Variants in DNAI1 observed in about 807,000 individuals in gnomAD.
The protein encoded by DNAI1 is dynein, axonemal, intermediate polypeptide 1.
Under a neutral mutation model 92.0 loss-of-function variants are expected in DNAI1, and 67 were observed. The observed-to-expected ratio is 0.73, with a 90% CI of 0.60 to 0.89. The LOEUF is 0.89. DNAI1 is among the 40% of genes least tolerant of loss of function. The pLI is 0.00. For synonymous variants in DNAI1, 323 were observed against 319.6 expected, an observed-to-expected ratio of 1.01 and a Z score of -0.11; for missense variants, 839 against 866.6, an observed-to-expected ratio of 0.97 and a Z score of 0.40.
chr9:34,492,950 A>T lies in DNAI1; in HGVS notation c.682-244A>T, dbSNP rs530860163. ...GAACAATGTTGATCTTCAGCTGAAG[A>T]CCCAGCCTCTGGGTTTCAGGGTATG... On this transcript the variant is annotated intron_variant, in intron 8 of 19. Coordinates refer to ENST00000242317, the MANE Select transcript of DNAI1 (RefSeq NM_012144.4). 2.0e-4 allele frequency among the ~76,000 whole-genome samples: 30 copies of T among 152,116 alleles called. No individual in the cohort carries two copies. In the East Asian group the frequency reaches 5.6e-3, roughly 28 times the overall value.
At position 34,491,481 on chromosome 9, in the gene DNAI1, G is replaced by A. The variant is rs776302159; in HGVS notation, c.622-14G>A. 2.5e-6 allele frequency: 4 copies of A among 1,614,160 alleles called. No individual in the cohort carries two copies. The South Asian group carries it at 4.4e-5, about 18-fold the overall frequency. On this transcript the variant is annotated splice_polypyrimidine_tract_variant and intron_variant, in intron 7 of 19. Transcript: ENST00000242317. ...GAGGGCTTTTTGTGGGTCTCCTGTTGTCTTGTTCTTTAGGATCGAGAATGC... is the reference window on the plus strand; with the variant it reads ...GAGGGCTTTTTGTGGGTCTCCTGTTATCTTGTTCTTTAGGATCGAGAATGC...
intron 8 of DNAI1, 94 bp from the exon 9 acceptor site, chr9:34,493,100 A>T (rs955949501): frequency 7.0e-6 from 11 of 1,566,546 alleles, no homozygotes; most frequent in Non-Finnish European, 7.9e-6. Context: ...GCCAGGGTTA[A>T]CATGACCAAT....
intron 1 of DNAI1, among the ~76,000 whole-genome samples, chr9:34,472,172 T>G (rs1370587454): frequency 6.6e-6 from 1 of 152,250 alleles, no homozygotes; most frequent in Non-Finnish European, 1.5e-5. Flanking sequence ...ACTTGAGGGC[T>G]TACTTTATGC....
chr9:34,513,117 G>A lies in DNAI1; in HGVS notation c.1495G>A (p.Gly499Ser), dbSNP rs1412970451. 1.2e-6 allele frequency: 2 copies of A among 1,613,928 alleles called. No individual in the cohort carries two copies. The highest frequency in any genetic ancestry group is 1.3e-5 in the African/African-American group (1 of 74,912). The change falls in exon 16 of 20, where the codon GGC (glycine) becomes AGC (serine). Residue 499 changes from glycine (G) to serine (S), a missense_variant. Coordinates refer to ENST00000242317, the MANE Select transcript of DNAI1 (RefSeq NM_012144.4). ...CCCCTCCCTCTTTTCCCAAGGTTGT[G>A]GCACTGCCTTTGACTTCCACAAAGA... is the stretch of plus-strand genomic sequence containing the variant. ...EGLQLHPVGC[G>S]TAFDFHKEID...
At chr9:34,468,344 C>A (rs1824076030) in intron 1 of DNAI1, among the ~76,000 whole-genome samples, 1 of 143,470 alleles carries the variant, frequency 7.0e-6, no homozygotes, top group South Asian at 2.3e-4. Context: ...CCACGCCTGG[C>A]TAATTTTTTT....
intron 1 of DNAI1, among the ~76,000 whole-genome samples, chr9:34,471,177 A>T (rs1157969830): frequency 1.3e-5 from 2 of 152,336 alleles, no homozygotes; most frequent in Middle Eastern, 3.4e-3. Flanking sequence ...CTGTAATCCC[A>T]GCACTTTGGG....
At chr9:34,520,509 G>A in intron 19 of DNAI1, 149 bp from the exon 20 acceptor site, 2 of 751,610 alleles carry the variant, frequency 2.7e-6, no homozygotes, top group South Asian at 1.5e-5. Flanking sequence ...GAATGATCGT[G>A]TCAGGGAGAG....
In DNAI1 at chr9:34,485,234, C is replaced by T. The variant is rs752803659; in HGVS notation, c.174C>T (p.Thr58=). The part of the protein sequence containing the change: ...TVRPPDQLEL[T]DAELKEEFTR... ...GACCCCCTGACCAGCTGGAGTTGAC[C>T]GATGCGGTGAGTGAGTAGCCTCTTG... Residue 58 remains threonine (T), a synonymous_variant, in exon 3 of 20, where the codon ACC becomes ACT. Transcript: ENST00000242317. The T allele has an allele frequency of 2.5e-5, 40 of 1,614,040 alleles. No homozygotes were observed. Among genetic ancestry groups the T allele is most frequent in the Middle Eastern group, 1.6e-4 (1 of 6,082 alleles).
chr9:34,497,139 C>G lies in DNAI1; in HGVS notation c.841C>G (p.Gln281Glu), dbSNP rs1162479054. Residue 281 changes from glutamine (Q) to glutamate (E), a missense_variant, in exon 10 of 20, where the codon CAA becomes GAA. By Grantham distance (29) the Gln-to-Glu change is conservative. Transcript: ENST00000242317. ...SQTDDLIKLS[Q>E]AAKIMERMVN... is the part of the protein sequence containing the mutation. ...GACTGATGATCTCATCAAATTGTCC[C>G]AAGCTGCTAAGATCATGGAGCGGAT... is the stretch of plus-strand genomic sequence containing the variant. 1 of 1,613,982 alleles carries G rather than the reference C, an allele frequency of 6.2e-7. No homozygotes were observed. Among genetic ancestry groups the G allele is most frequent in the African/African-American group, 1.3e-5 (1 of 74,926 alleles).
chr9:34,513,467 G>T (rs994564283), intron 16 of DNAI1, among the ~76,000 whole-genome samples: 2 of 152,094 alleles, frequency 1.3e-5, no homozygotes, highest in Non-Finnish European at 2.9e-5. Context: ...GAGGTAGAAG[G>T]GGGGATTCGG....
intron 4 of DNAI1, among the ~76,000 whole-genome samples, chr9:34,486,059 T>C (rs538509283): frequency 6.6e-6 from 1 of 152,176 alleles, no homozygotes; most frequent in Non-Finnish European, 1.5e-5. Flanking sequence ...AGTTCTGACC[T>C]GATAGACACA....
intron 1 of DNAI1, among the ~76,000 whole-genome samples, chr9:34,474,573 T>C (rs1384082347): frequency 7.1e-6 from 1 of 141,518 alleles, no homozygotes; most frequent in African/African-American, 2.6e-5. Context: ...TTTCCTTTTT[T>C]TTTTTTTTTT....
chr9:34,482,941 G>A lies in DNAI1; in HGVS notation c.49-507G>A, dbSNP rs572216449. On this transcript the variant is annotated intron_variant, in intron 1 of 19. Coordinates refer to ENST00000242317, the MANE Select transcript of DNAI1 (RefSeq NM_012144.4). ...GGCAGCTAAGGCCCGGCGAGAAATC[G>A]AGCGCAGTGCTGGTGGGCCAGCACT... 9.2e-5 allele frequency among the ~76,000 whole-genome samples: 14 copies of A among 152,336 alleles called. No individual in the cohort carries two copies. The South Asian group carries it at 2.9e-3, about 32-fold the overall frequency.
At chr9:34,464,090 T>A (rs1465877679) in intron 1 of DNAI1, among the ~76,000 whole-genome samples, 1 of 152,156 alleles carries the variant, frequency 6.6e-6, no homozygotes, top group Admixed American at 6.5e-5. Flanking sequence ...ATTAAACTAC[T>A]TTTTTTCATA....
chr9:34,514,790 G>C, intron 18 of DNAI1, 51 bp downstream of exon 18: 1 of 1,583,336 alleles, frequency 6.3e-7, no homozygotes. Flanking sequence ...GATCAGGTGT[G>C]TTATCTCAGG....
At chr9:34,507,290 TAAC>T (rs1371116126) in intron 13 of DNAI1, among the ~76,000 whole-genome samples, 1 of 152,146 alleles carries the variant, frequency 6.6e-6, no homozygotes, top group Non-Finnish European at 1.5e-5. Context: ...CTCAAAAACA[TAAC>T]TACTAATAGC....
intron 10 of DNAI1, among the ~76,000 whole-genome samples, chr9:34,499,546 C>T (rs1398925478): frequency 6.6e-6 from 1 of 151,800 alleles, no homozygotes; most frequent in Non-Finnish European, 1.5e-5. Flanking sequence ...GGAGAACAGG[C>T]AAAAGGATAG....
intron 8 of DNAI1, among the ~76,000 whole-genome samples, chr9:34,492,871 G>C (rs1383480219): frequency 6.6e-6 from 1 of 151,878 alleles, no homozygotes; most frequent in Non-Finnish European, 1.5e-5. Context: ...CAACAAAAAT[G>C]GGAACTAGCC....
At chr9:34,471,449 A>C (rs932335200) in intron 1 of DNAI1, among the ~76,000 whole-genome samples, 60 of 135,884 alleles carry the variant, frequency 4.4e-4, no homozygotes, top group Non-Finnish European at 7.6e-4. Flanking sequence ...CACCACCACA[A>C]AAAAAAAAAA....
Sources: allele counts gnomAD v4.1 joint callset (sites outside exome capture counted in the v4.1 genomes callset), GRCh38; gene constraint gnomAD v4.1.1; transcripts MANE v1.5; gene names NCBI Gene and HGNC (gene_info 2026-07-23, HGNC 2026-07-21).